Variants in ZFHX3 observed in about 807,000 individuals in gnomAD.
ZFHX3 encodes zinc finger homeobox 3.
A neutral mutation model predicts 279.1 loss-of-function variants in ZFHX3; 42 were observed. The ratio of observed to expected loss-of-function variants is 0.15; its 90% CI spans 0.12 to 0.19. The LOEUF is 0.19. Ranked by LOEUF, ZFHX3 falls within the 10% of genes least tolerant of loss-of-function variation. ZFHX3 has a pLI of 1.00. For synonymous variants in ZFHX3, 2,293 were observed against 1,957.8 expected, an observed-to-expected ratio of 1.17 and a Z score of -4.52; for missense variants, 4,981 against 4,754.0, an observed-to-expected ratio of 1.05 and a Z score of -1.40.
At chr16:73,790,084 G>C (rs991427308) in intron 1 of ZFHX3, among the ~76,000 whole-genome samples, 1 of 152,098 alleles carries the variant, frequency 6.6e-6, no homozygotes, top group Non-Finnish European at 1.5e-5. Context: ...CCATGCAAAA[G>C]GTCTCATTGT....
At chr16:72,815,197 C>T (rs1399844891) in intron 5 of ZFHX3, among the ~76,000 whole-genome samples, 1 of 152,066 alleles carries the variant, frequency 6.6e-6, no homozygotes, top group Non-Finnish European at 1.5e-5. Flanking sequence ...CGCTTGAGCC[C>T]AGGAGTTCAA....
chr16:73,292,697 C>T (rs942020489), intron 4 of ZFHX3, among the ~76,000 whole-genome samples: 4 of 151,856 alleles, frequency 2.6e-5, no homozygotes, highest in South Asian at 2.1e-4. Context: ...GTGGCGGGAG[C>T]GGGCCTCAGG....
intron 3 of ZFHX3, among the ~76,000 whole-genome samples, chr16:73,453,696 C>A (rs188168076): frequency 1.3e-5 from 2 of 152,232 alleles, no homozygotes; most frequent in African/African-American, 4.8e-5. Context: ...TGAGACTGTG[C>A]AATTTATAAA....
intron 1 of ZFHX3, among the ~76,000 whole-genome samples, chr16:73,886,779 A>G (rs1027828906): frequency 2.0e-5 from 3 of 152,166 alleles, no homozygotes; most frequent in African/African-American, 7.2e-5. Context: ...AGATAAACAA[A>G]CAGTGTATTA....
intron 1 of ZFHX3, among the ~76,000 whole-genome samples, chr16:73,794,609 G>A (rs929268079): frequency 2.6e-5 from 4 of 152,210 alleles, no homozygotes; most frequent in African/African-American, 9.6e-5. Context: ...TGCAAATGAC[G>A]CAACTGAGGC....
chr16:73,258,216 G>A (rs1296981429), intron 4 of ZFHX3, among the ~76,000 whole-genome samples: 1 of 152,050 alleles, frequency 6.6e-6, no homozygotes, highest in Non-Finnish European at 1.5e-5. Flanking sequence ...GTGAAACTAA[G>A]GTCCAGAGAT....
intron 1 of ZFHX3, among the ~76,000 whole-genome samples, chr16:73,724,632 A>G (rs190283867): frequency 8.1e-4 from 124 of 152,320 alleles, no homozygotes; most frequent in African/African-American, 3.0e-3. Flanking sequence ...TTAGGGAACT[A>G]TGGAAGCCAC....
At chr16:73,126,893 G>A (rs1966578880) in intron 7 of ZFHX3, 2 of 154,972 alleles carry the variant, frequency 1.3e-5, no homozygotes, top group Admixed American at 6.4e-5. Flanking sequence ...AGGGATGGAT[G>A]GCCGACACAT....
chr16:73,051,674 A>G (rs1012641864), upstream of ZFHX3, among the ~76,000 whole-genome samples: 1 of 152,170 alleles, frequency 6.6e-6, no homozygotes, highest in Non-Finnish European at 1.5e-5. Context: ...ATGAGTAACC[A>G]TTTTTTAAAA....
At chr16:73,832,660 C>A (rs940419242) in intron 1 of ZFHX3, among the ~76,000 whole-genome samples, 1 of 151,682 alleles carries the variant, frequency 6.6e-6, no homozygotes, top group African/African-American at 2.4e-5. Context: ...CAATCCTCCC[C>A]CCTCAGCCTC....
chr16:73,889,504 A>G (rs559261989), intron 1 of ZFHX3, among the ~76,000 whole-genome samples: 1 of 152,286 alleles, frequency 6.6e-6, no homozygotes, highest in African/African-American at 2.4e-5. Flanking sequence ...CGATGTGATG[A>G]CAGAGAATGG....
chr16:73,888,654 T>G (rs78554349), intron 1 of ZFHX3, among the ~76,000 whole-genome samples: 2,495 of 152,260 alleles, frequency 0.016, 66 homozygotes, highest in African/African-American at 0.057. Flanking sequence ...GAAAAATGTT[T>G]ACATTTCAAT....
At chr16:73,074,796 T>G (rs1767659447) in intron 8 of ZFHX3, among the ~76,000 whole-genome samples, 1 of 150,046 alleles carries the variant, frequency 6.7e-6, no homozygotes, top group Admixed American at 6.6e-5. Flanking sequence ...CTTTTTCTTT[T>G]CTTTTCCTTT....
chr16:73,406,944 T>C (rs530258193), intron 3 of ZFHX3, among the ~76,000 whole-genome samples: 2 of 152,372 alleles, frequency 1.3e-5, no homozygotes, highest in African/African-American at 4.8e-5. Context: ...GGCACTCATG[T>C]TTCAGTTTCT....
intron 3 of ZFHX3, chr16:73,420,784 CAGT>C (rs1052131800): frequency 6.6e-6 from 1 of 152,228 alleles, no homozygotes; most frequent in Non-Finnish European, 1.5e-5. Flanking sequence ...CGCTTCCACT[CAGT>C]AGCAACGTTT....
At chr16:73,011,787 C>T (rs541097827) in intron 1 of ZFHX3, among the ~76,000 whole-genome samples, 10 of 151,708 alleles carry the variant, frequency 6.6e-5, no homozygotes, top group Admixed American at 3.3e-4. Context: ...TCCCCTCCCC[C>T]CAAAATACTG....
At chr16:73,303,109 G>A (rs529252287) in intron 4 of ZFHX3, among the ~76,000 whole-genome samples, 7 of 151,736 alleles carry the variant, frequency 4.6e-5, no homozygotes, top group African/African-American at 1.5e-4. Context: ...GTGCACTGTC[G>A]CCTTAAACTC....
chr16:73,336,313 T>G (rs779829182), intron 3 of ZFHX3, among the ~76,000 whole-genome samples: 1 of 152,152 alleles, frequency 6.6e-6, no homozygotes, highest in Non-Finnish European at 1.5e-5. Flanking sequence ...TCACGGGGGT[T>G]TGGTGTACAG....
chr16:72,931,441 ACACACAC>A, intron 3 of ZFHX3, among the ~76,000 whole-genome samples: 1 of 146,720 alleles, frequency 6.8e-6, no homozygotes, highest in East Asian at 1.9e-4. Context: ...ACACACACAC[ACACACAC>A]ACACACACTC....
Sources: gnomAD v4.1 joint callset for allele counts (sites outside exome capture counted in the v4.1 genomes callset) on GRCh38, gnomAD v4.1.1 for gene constraint, MANE v1.5 for transcripts, NCBI Gene and HGNC (gene_info 2026-07-23, HGNC 2026-07-21) for gene names.